The following ANXA8 variants were observed in gnomAD, a reference collection of about 807,000 sequenced individuals.
ANXA8 encodes the protein annexin A8, also known as VAC-beta.
In ANXA8, 9 loss-of-function variants were observed where a neutral mutation model predicts 26.8. The observed-to-expected ratio is 0.34, with a 90% CI of 0.20 to 0.59. The LOEUF is 0.59. ANXA8 is among the 20% of genes least tolerant of loss of function. The probability of loss-of-function intolerance (pLI) is 0.84; values close to 1 mark genes in which losing one functional copy is unlikely to be tolerated. For synonymous variants in ANXA8, 39 were observed against 94.8 expected (o/e 0.41, Z 3.42); for missense variants, 83 against 238.5 (o/e 0.35, Z 4.29).
At chr10:47,939,594 C>T in the ANXA8 span, among the ~76,000 whole-genome samples, 9 of 145,476 alleles carry the variant, frequency 6.2e-5, no homozygotes, top group Admixed American at 1.4e-4. Context: ...GCAGGCTGGA[C>T]GCCTCCACGG....
chr10:47,743,405 T>TGTGTGTGAGAGA, the ANXA8 span, among the ~76,000 whole-genome samples: 55 of 83,514 alleles, frequency 6.6e-4, no homozygotes, highest in African/African-American at 2.5e-3. Context: ...TGTGTGTGTG[T>TGTGTGTGAGAGA]GAGAGAGAGA....
the ANXA8 span, among the ~76,000 whole-genome samples, chr10:47,755,191 G>A: frequency 3.9e-3 from 589 of 151,546 alleles, 4 homozygotes; most frequent in Non-Finnish European, 6.1e-3. Context: ...TCTTGATGTC[G>A]TAATCCACCC....
the ANXA8 span, among the ~76,000 whole-genome samples, chr10:47,935,463 G>A: frequency 6.6e-6 from 1 of 151,982 alleles, no homozygotes; most frequent in African/African-American, 2.4e-5. Flanking sequence ...TTCTTTCTAC[G>A]AGTTCACACT....
At chr10:47,668,575 C>T in the ANXA8 span, among the ~76,000 whole-genome samples, 22 of 151,836 alleles carry the variant, frequency 1.4e-4, no homozygotes, top group Non-Finnish European at 2.2e-4. Context: ...TTTCCATGGA[C>T]GCTAATGATG....
At chr10:47,620,114 T>C in the ANXA8 span, among the ~76,000 whole-genome samples, 1 of 111,718 alleles carries the variant, frequency 9.0e-6, no homozygotes, top group Admixed American at 9.6e-5. Flanking sequence ...AATGGTCATG[T>C]ATGTAGGTAA....
chr10:47,954,846 A>C, the ANXA8 span, among the ~76,000 whole-genome samples: 1 of 151,210 alleles, frequency 6.6e-6, no homozygotes, highest in Admixed American at 6.6e-5. Context: ...AGAATGGATA[A>C]GCAAATTGTG....
At chr10:47,510,849 G>A in the ANXA8 span, among the ~76,000 whole-genome samples, 14 of 115,970 alleles carry the variant, frequency 1.2e-4, no homozygotes, top group Non-Finnish European at 1.6e-4. Flanking sequence ...AAAAAAAAAA[G>A]AAAGAAAAGT....
the ANXA8 span, among the ~76,000 whole-genome samples, chr10:47,675,011 A>G: frequency 2.1e-5 from 3 of 146,056 alleles, no homozygotes; most frequent in Non-Finnish European, 4.5e-5. Context: ...TTCTGTCTCA[A>G]TCCTAGAATT....
At chr10:47,658,317 C>T in the ANXA8 span, among the ~76,000 whole-genome samples, 12 of 151,004 alleles carry the variant, frequency 7.9e-5, no homozygotes, top group South Asian at 2.1e-4. Flanking sequence ...ACCCGGGAGA[C>T]GGAGGTTGCA....
the ANXA8 span, among the ~76,000 whole-genome samples, chr10:47,776,681 G>A: frequency 6.6e-6 from 1 of 151,854 alleles, no homozygotes; most frequent in African/African-American, 2.4e-5. Context: ...TACAGTGATT[G>A]GCTGAGGCCT....
chr10:47,713,507 C>CAA, the ANXA8 span, among the ~76,000 whole-genome samples: 3 of 62 alleles, frequency 0.048, no homozygotes, highest in South Asian at 0.1. Flanking sequence ...TGAAAGGCAA[C>CAA]AAAAAAAAAA....
At chr10:47,625,921 T>C in the ANXA8 span, among the ~76,000 whole-genome samples, 1 of 150,964 alleles carries the variant, frequency 6.6e-6, no homozygotes, top group African/African-American at 2.5e-5. Context: ...ACTGTCTGTT[T>C]CTATGAGTTT....
At chr10:47,549,858 C>T in the ANXA8 span, among the ~76,000 whole-genome samples, 1 of 142,896 alleles carries the variant, frequency 7.0e-6, no homozygotes, top group East Asian at 2.3e-4. Context: ...AGTCCTGGCA[C>T]CTTGGGAGAC....
At chr10:47,704,762 C>G in the ANXA8 span, among the ~76,000 whole-genome samples, 4 of 151,966 alleles carry the variant, frequency 2.6e-5, no homozygotes, top group African/African-American at 9.7e-5. Context: ...ACAAAGGAAG[C>G]TGTCATTGAC....
the ANXA8 span, among the ~76,000 whole-genome samples, chr10:47,679,198 TAAA>T: frequency 1.4e-5 from 2 of 144,054 alleles, no homozygotes; most frequent in African/African-American, 5.2e-5. Context: ...GCAATTTCCT[TAAA>T]AAAGAAAAAG....
the ANXA8 span, among the ~76,000 whole-genome samples, chr10:47,764,516 TA>T: frequency 1.0e-5 from 1 of 96,350 alleles, no homozygotes; most frequent in Non-Finnish European, 2.0e-5. Context: ...CAGCCTTTTC[TA>T]ACCTCTCCCA....
At chr10:47,667,191 A>G in the ANXA8 span, among the ~76,000 whole-genome samples, 1 of 151,974 alleles carries the variant, frequency 6.6e-6, no homozygotes, top group Non-Finnish European at 1.5e-5. Context: ...TTCCTGTTTC[A>G]TGGGAGGCAA....
the ANXA8 span, among the ~76,000 whole-genome samples, chr10:47,497,258 G>A: frequency 7.6e-6 from 1 of 131,222 alleles, no homozygotes; most frequent in Non-Finnish European, 1.6e-5. Context: ...AGGAGAGGCT[G>A]CAGTGAGCTG....
the ANXA8 span, among the ~76,000 whole-genome samples, chr10:47,646,383 C>G: frequency 7.0e-6 from 1 of 142,848 alleles, no homozygotes; most frequent in Non-Finnish European, 1.5e-5. Flanking sequence ...AGCAAGCAAA[C>G]TAAATGTAGA....
Sources: allele counts gnomAD v4.1 joint callset (sites outside exome capture counted in the v4.1 genomes callset), GRCh38; gene constraint gnomAD v4.1.1; transcripts MANE v1.5; gene names NCBI Gene and HGNC (gene_info 2026-07-23, HGNC 2026-07-21).